ADCY2: variants seen among roughly 807,000 people sequenced by gnomAD.
ADCY2 encodes adenylate cyclase type 2.
ADCY2 carries 31 observed loss-of-function variants against 125.2 expected under a neutral mutation model. That is an observed-to-expected ratio of 0.25 (90% confidence interval 0.19 to 0.33). The LOEUF (loss-of-function observed/expected upper bound fraction) is 0.33, where lower values mean the gene tolerates loss of function less well. Among genes scored for constraint, ADCY2 ranks in the 10% least tolerant of loss-of-function variants. ADCY2 has a pLI of 1.00. For missense variants in ADCY2, 904 were observed against 1,418.2 expected, an observed-to-expected ratio of 0.64 and a Z score of 5.82; for synonymous variants, 512 against 548.4, an observed-to-expected ratio of 0.93 and a Z score of 0.93.
In ADCY2 at chr5:7,709,938, G is replaced by C. The variant is rs1246773612; in HGVS notation, c.1578+551G>C. On this transcript the variant is annotated intron_variant, in intron 10 of 24. Transcript: ENST00000338316. This position sits in a 1 kb window ranked among gnomAD's most constrained non-coding sequence, Gnocchi z 4.4. ...TGCAATGGAGAAGGAAAATAGAAAG[G>C]CCCATAGGAGGAGAGAAAAGTAAAT... Among the ~76,000 whole-genome samples the C allele has an allele frequency of 6.6e-6, 1 of 152,178 alleles. No individual in the cohort carries two copies. Among genetic ancestry groups the C allele is most frequent in the Non-Finnish European group, 1.5e-5 (1 of 68,030 alleles).
chr5:7,649,219 A>G (rs1484803896), intron 4 of ADCY2, among the ~76,000 whole-genome samples: 1 of 152,210 alleles, frequency 6.6e-6, no homozygotes, highest in Non-Finnish European at 1.5e-5. Context: ...GAATTGGAAC[A>G]TTGATATTAA....
chr5:7,457,627 C>A (rs1444532684), intron 2 of ADCY2, among the ~76,000 whole-genome samples: 1 of 152,180 alleles, frequency 6.6e-6, no homozygotes, highest in Non-Finnish European at 1.5e-5. Flanking sequence ...CTAAATGGGA[C>A]AAGGTGCAGG....
intron 24 of ADCY2, among the ~76,000 whole-genome samples, chr5:7,824,517 C>T (rs909372333): frequency 6.6e-6 from 1 of 152,200 alleles, no homozygotes; most frequent in Non-Finnish European, 1.5e-5. Context: ...GCAGAATTTG[C>T]AAACCTGAGT....
chr5:7,553,757 G>A (rs116446634), intron 3 of ADCY2, among the ~76,000 whole-genome samples: 1 of 152,130 alleles, frequency 6.6e-6, no homozygotes. Context: ...ATGAACCCTG[G>A]GGTCAGGGAC....
intron 3 of ADCY2, among the ~76,000 whole-genome samples, chr5:7,570,035 CTGAT>C (rs1736022488): frequency 2.0e-5 from 3 of 152,120 alleles, no homozygotes; most frequent in African/African-American, 7.2e-5. Context: ...TAAAAGGAAA[CTGAT>C]TGACTGAATG....
intron 18 of ADCY2, among the ~76,000 whole-genome samples, chr5:7,778,795 G>A (rs1036803763): frequency 3.9e-5 from 6 of 152,078 alleles, no homozygotes; most frequent in African/African-American, 9.7e-5. Flanking sequence ...ATGAACTGAA[G>A]GAAAGTCTTG....
At chr5:7,628,757 G>A (rs977274153) in intron 4 of ADCY2, among the ~76,000 whole-genome samples, 7 of 151,874 alleles carry the variant, frequency 4.6e-5, no homozygotes, top group African/African-American at 1.7e-4. Flanking sequence ...TGTCTACGAT[G>A]AGATGTGTTT....
intron 2 of ADCY2, among the ~76,000 whole-genome samples, chr5:7,495,258 T>C (rs1003182665): frequency 2.0e-5 from 3 of 152,186 alleles, no homozygotes; most frequent in Non-Finnish European, 4.4e-5. Context: ...AGGAGTTAAA[T>C]TGGCTTCGTG....
chr5:7,644,220 A>G (rs1056503009), intron 4 of ADCY2, among the ~76,000 whole-genome samples: 5 of 152,160 alleles, frequency 3.3e-5, no homozygotes, highest in Admixed American at 6.6e-5. Context: ...ACTGCCATCT[A>G]AATTCACCGT....
intron 2 of ADCY2, among the ~76,000 whole-genome samples, chr5:7,491,678 A>G (rs897754438): frequency 2.0e-5 from 3 of 152,164 alleles, no homozygotes; most frequent in Non-Finnish European, 4.4e-5. Context: ...AGATGTTAAA[A>G]TCACTACTTT....
At chr5:7,648,289 T>C (rs2126679807) in intron 4 of ADCY2, among the ~76,000 whole-genome samples, 1 of 152,340 alleles carries the variant, frequency 6.6e-6, no homozygotes, top group South Asian at 2.1e-4. Context: ...ACTCACATCC[T>C]AGCTAATTAT....
chr5:7,426,215 TTC>T (rs1403069676), intron 2 of ADCY2, among the ~76,000 whole-genome samples: 3 of 152,234 alleles, frequency 2.0e-5, no homozygotes, highest in Admixed American at 2.0e-4. Context: ...AATAAAACAT[TTC>T]TCTGAGTTAA....
At position 7,414,455 on chromosome 5, in the gene ADCY2, T is replaced by C. The variant is rs181338287; in HGVS notation, c.211-118T>C. 305 of 857,914 alleles carry C rather than the reference T, an allele frequency of 3.6e-4. 1 individual carries two copies. In the African/African-American group the frequency reaches 4.1e-3, roughly 11 times the overall value. 53.1% of individuals were successfully genotyped at this position (857,914 alleles called of 1,614,324 possible). ...AAACTGTTCTACTTTCAAAACAATT[T>C]CTTAAACCCAATATATTCTGACATT... On this transcript the variant is annotated intron_variant, in intron 1 of 24. Transcript: ENST00000338316.
At chr5:7,560,102 A>G (rs1332132391) in intron 3 of ADCY2, among the ~76,000 whole-genome samples, 1 of 152,238 alleles carries the variant, frequency 6.6e-6, no homozygotes, top group East Asian at 1.9e-4. Context: ...TAACAGAGAC[A>G]GTTATTCAAA....
intron 3 of ADCY2, among the ~76,000 whole-genome samples, chr5:7,566,100 G>C (rs1735884210): frequency 6.6e-6 from 1 of 152,152 alleles, no homozygotes; most frequent in Non-Finnish European, 1.5e-5. Context: ...GGAAGAACTT[G>C]GGTTCAGCAA....
intron 4 of ADCY2, among the ~76,000 whole-genome samples, chr5:7,628,044 A>G (rs1738192897): frequency 6.6e-6 from 1 of 152,194 alleles, no homozygotes; most frequent in Non-Finnish European, 1.5e-5. Flanking sequence ...ACTTGGGACT[A>G]TTATCCAGTT....
At chr5:7,539,262 T>C (rs1356269876) in intron 3 of ADCY2, among the ~76,000 whole-genome samples, 1 of 152,108 alleles carries the variant, frequency 6.6e-6, no homozygotes, top group South Asian at 2.1e-4. Flanking sequence ...TACATTGATG[T>C]CAATTGCAAG....
At chr5:7,475,029 T>A (rs1742470122) in intron 2 of ADCY2, among the ~76,000 whole-genome samples, 1 of 152,160 alleles carries the variant, frequency 6.6e-6, no homozygotes, top group South Asian at 2.1e-4. Context: ...GGAGGGTCGC[T>A]GGCCTGGGTG....
At chr5:7,420,315 A>G (rs970831438) in intron 2 of ADCY2, among the ~76,000 whole-genome samples, 2 of 152,142 alleles carry the variant, frequency 1.3e-5, no homozygotes, top group Non-Finnish European at 2.9e-5. Context: ...TGAAGTTGCC[A>G]CGGCACGACT....
Sources: gnomAD v4.1 joint callset for allele counts (sites outside exome capture counted in the v4.1 genomes callset) on GRCh38, gnomAD v4.1.1 for gene constraint, Gnocchi (gnomAD v3.1) non-coding constraint, MANE v1.5 for transcripts, NCBI Gene and HGNC (gene_info 2026-07-23, HGNC 2026-07-21) for gene names.